Variants in ATRAID observed in about 807,000 individuals in gnomAD.
The protein encoded by ATRAID is all-trans retinoic acid induced differentiation factor.
A neutral mutation model predicts 28.8 loss-of-function variants in ATRAID; 26 were observed. That is an observed-to-expected ratio of 0.90 (90% CI 0.66 to 1.25). ATRAID has a LOEUF of 1.25. ATRAID is among the 50% of genes most tolerant of loss of function. The pLI, the probability that ATRAID is intolerant of heterozygous loss-of-function variation, is 0.00. For missense variants in ATRAID, 308 were observed against 285.9 expected, an observed-to-expected ratio of 1.08 and a Z score of -0.56; for synonymous variants, 131 against 108.5, an observed-to-expected ratio of 1.21 and a Z score of -1.29.
rs1315757960 is a variant in ATRAID, at chr2:27,216,586, C to T, written c.551C>T (p.Ala184Val). The change falls in exon 6 of 7, where the codon GCT becomes GTT. Residue 184 changes from alanine (A) to valine (V), a missense_variant. Coordinates refer to ENST00000380171, the MANE Select transcript of ATRAID (RefSeq NM_001170795.4). ...CCAGGTCTTTTGCAGTGTGTTTGTG[C>T]TGATGGTTTCCATGGATACAAGTGT... Reference protein sequence around the residue: ...DGPGLLQCVCADGFHGYKCMR... With the variant: ...DGPGLLQCVCVDGFHGYKCMR... 6.2e-7 allele frequency: 1 copy of T among 1,613,970 alleles called. No homozygotes were observed. The highest frequency in any genetic ancestry group is 1.3e-5 in the African/African-American group (1 of 74,908).
At chr2:27,212,520 C>T (rs1674621929) in intron 1 of ATRAID, 53 bp downstream of exon 1, 2 of 1,509,700 alleles carry the variant, frequency 1.3e-6, no homozygotes, top group East Asian at 5.1e-5. Context: ...GCCAGCCGTG[C>T]GTCGCGCTCG....
chr2:27,215,549 A>G lies in ATRAID; in HGVS notation c.365+4A>G. On this transcript the variant is annotated splice_donor_region_variant and intron_variant, in intron 4 of 6. Coordinates refer to ENST00000380171, the MANE Select transcript of ATRAID (RefSeq NM_001170795.4). ...GCTTTACTCAGCTCCAGACTCTGTG[A>G]GTAAGGGTATGGGAAGAGAATCAAA... 1 of 1,614,202 alleles carries G rather than the reference A, an allele frequency of 6.2e-7. No individual in the cohort carries two copies. Among genetic ancestry groups the G allele is most frequent in the South Asian group, 1.1e-5 (1 of 91,088 alleles).
intron 2 of ATRAID, 36 bp downstream of exon 2, chr2:27,213,334 C>G: frequency 6.3e-7 from 1 of 1,599,396 alleles, no homozygotes; most frequent in Non-Finnish European, 8.5e-7. Context: ...TGGATACAGG[C>G]CATTCCTTAG....
chr2:27,215,178 T>C (rs1321547485), intron 2 of ATRAID, 143 bp from the exon 3 acceptor site: 1 of 758,748 alleles, frequency 1.3e-6, no homozygotes, highest in Non-Finnish European at 2.2e-6. Flanking sequence ...TTAAAATGTC[T>C]ACCACAGCTC....
chr2:27,214,742 C>T (rs1674758422), intron 2 of ATRAID, among the ~76,000 whole-genome samples: 1 of 152,202 alleles, frequency 6.6e-6, no homozygotes, highest in African/African-American at 2.4e-5. Context: ...ATCTCAGCTA[C>T]TCAGGAGGCT....
At chr2:27,213,738 C>T (rs930938360) in intron 2 of ATRAID, among the ~76,000 whole-genome samples, 1 of 152,158 alleles carries the variant, frequency 6.6e-6, no homozygotes, top group Admixed American at 6.5e-5. Context: ...AACATTATTT[C>T]CAATTACTTG....
At chr2:27,213,780 G>T (rs946093846) in intron 2 of ATRAID, among the ~76,000 whole-genome samples, 5 of 152,100 alleles carry the variant, frequency 3.3e-5, no homozygotes, top group Non-Finnish European at 5.9e-5. Flanking sequence ...GTCTGCACCA[G>T]CCAGATTTGC....
intron 5 of ATRAID, among the ~76,000 whole-genome samples, chr2:27,215,983 TG>T (rs1221982095): frequency 6.6e-6 from 1 of 152,216 alleles, no homozygotes; most frequent in Admixed American, 6.5e-5. Flanking sequence ...TTATTTCACC[TG>T]GGTGCAGGTG....
Position 27,215,491 on chromosome 2 carries a change from C to G in ATRAID, c.311C>G (p.Pro104Arg). The G allele has an allele frequency of 6.2e-7, 1 of 1,614,228 alleles. No homozygotes were observed. Among genetic ancestry groups the G allele is most frequent in the South Asian group, 1.1e-5 (1 of 91,088 alleles). Residue 104 changes from proline (P) to arginine (R), a missense_variant, in exon 4 of 7, where the codon CCC (proline) becomes CGC (arginine). Physicochemically the swap from Pro to Arg is moderately radical, Grantham distance 103. Transcript: ENST00000380171. ...CTTTGCAGAGACCTGCAAGCAAACC[C>G]CCTCAAAGGTGACTTGGCCAACACC... Reference protein sequence around the residue: ...TTVIIDLQANPLKGDLANTFR... With the variant: ...TTVIIDLQANRLKGDLANTFR...
rs778747794 is a variant in ATRAID at position 27,216,532 on chromosome 2, C to T, written c.497C>T (p.Pro166Leu). 1.2e-6 allele frequency: 2 copies of T among 1,613,526 alleles called. No homozygotes were observed. The highest frequency in any genetic ancestry group is 2.2e-5 in the East Asian group (1 of 44,878). ...CNNTGDPEMC[P>L]ENGSCVPDGP... Reference sequence around the variant, plus strand: ...TCTCTCTGGCCTCCAGAAATGTGTCCTGAGAATGGATCTTGTGTACCTGAT... The same window carrying T: ...TCTCTCTGGCCTCCAGAAATGTGTCTTGAGAATGGATCTTGTGTACCTGAT... The change falls in exon 6 of 7, where the codon CCT becomes CTT. Residue 166 changes from proline (P) to leucine (L), a missense_variant. Transcript: ENST00000380171.
intron 5 of ATRAID, 63 bp downstream of exon 5, chr2:27,215,816 G>C (rs1051328287): frequency 3.2e-6 from 5 of 1,579,380 alleles, no homozygotes; most frequent in African/African-American, 1.4e-5. Flanking sequence ...TTCCACTTTA[G>C]ATCAGAAAGA....
chr2:27,214,247 C>A (rs1458153200), intron 2 of ATRAID, among the ~76,000 whole-genome samples: 5 of 152,184 alleles, frequency 3.3e-5, no homozygotes, highest in Non-Finnish European at 7.3e-5. Flanking sequence ...TTTTAACATT[C>A]TCCCAGTGTT....
chr2:27,212,230 G>A lies in ATRAID; in HGVS notation c.-139G>A. On this transcript the variant is annotated 5_prime_UTR_variant, in exon 1 of 7. Transcript: ENST00000380171. The stretch of plus-strand genomic sequence containing the variant: ...TGAAGACCAGCGCAGAGCTCCACGA[G>A]CAGGAAAAGCCCCCAAGCAGCCCCA... 1.3e-6 allele frequency: 2 copies of A among 1,560,872 alleles called. No homozygotes were observed. The highest frequency in any genetic ancestry group is 1.7e-6 in the Non-Finnish European group (2 of 1,152,976).
At chr2:27,212,655 C>G in intron 1 of ATRAID, 188 bp downstream of exon 1, 1 of 1,394,162 alleles carries the variant, frequency 7.2e-7, no homozygotes, top group African/African-American at 1.5e-5. Flanking sequence ...GCGCCCCAGT[C>G]CTGCCGACTT....
chr2:27,213,444 G>A (rs1674693620), intron 2 of ATRAID, 146 bp downstream of exon 2: 2 of 1,116,542 alleles, frequency 1.8e-6, no homozygotes, highest in South Asian at 3.9e-5. Context: ...GATCTCTTTA[G>A]TGTCTTTTTT....
At chr2:27,212,729 G>A in intron 1 of ATRAID, 1 of 1,114,346 alleles carries the variant, frequency 9.0e-7, no homozygotes, top group Non-Finnish European at 1.2e-6. Flanking sequence ...TCTTTCTACA[G>A]ACGGGTCCTC....
intron 2 of ATRAID, 61 bp from the exon 3 acceptor site, chr2:27,215,260 C>T: frequency 6.5e-7 from 1 of 1,540,434 alleles, no homozygotes; most frequent in Non-Finnish European, 9.0e-7. Context: ...CAAATACAAA[C>T]TGTGCCGTGG....
At position 27,212,401 on chromosome 2, in the gene ATRAID, C is replaced by T. The variant is rs188379657; in HGVS notation, c.33C>T (p.Thr11=). 3.2e-6 allele frequency: 5 copies of T among 1,551,606 alleles called. No individual in the cohort carries two copies. Among genetic ancestry groups the T allele is most frequent in the African/African-American group, 1.4e-5 (1 of 73,074 alleles). Residue 11 remains threonine, a synonymous_variant, in exon 1 of 7, where the codon ACC becomes ACT. Coordinates refer to ENST00000380171, the MANE Select transcript of ATRAID (RefSeq NM_001170795.4). MAPHDPGSLT[T]LVPWAAALLL... The stretch of plus-strand genomic sequence containing the variant: ...CTCACGACCCGGGTAGTCTTACGAC[C>T]CTGGTGCCCTGGGCTGCCGCCCTGC...
rs748354914 is a variant in ATRAID, at chr2:27,216,870, C to T, written c.612C>T (p.Phe204=). ...GCTCGTTCTCACTGCTTATGTTCTT[C>T]GGGATTCTGGGAGCCACCACTCTAT... ...RQGSFSLLMF[F]GILGATTLSV... Residue 204 remains phenylalanine, a synonymous_variant, in exon 7 of 7, where the codon TTC becomes TTT. Transcript: ENST00000380171. 6.2e-7 allele frequency: 1 copy of T among 1,614,102 alleles called. No homozygotes were observed. Among genetic ancestry groups the T allele is most frequent in the South Asian group, 1.1e-5 (1 of 91,066 alleles).
Sources: gnomAD v4.1 joint callset for allele counts (sites outside exome capture counted in the v4.1 genomes callset) on GRCh38, gnomAD v4.1.1 for gene constraint, MANE v1.5 for transcripts, NCBI Gene and HGNC (gene_info 2026-07-23, HGNC 2026-07-21) for gene names.